PTPRD: variants seen among roughly 807,000 people sequenced by gnomAD.
The protein encoded by PTPRD is protein tyrosine phosphatase receptor type D.
Under a neutral mutation model 214.5 loss-of-function variants are expected in PTPRD, and 34 were observed. That is an observed-to-expected ratio of 0.16 (90% CI 0.12 to 0.21). The LOEUF is 0.21. Ranked by LOEUF, PTPRD falls within the 10% of genes least tolerant of loss-of-function variation. The pLI is 1.00. For missense variants in PTPRD, 2,545 were observed against 2,398.7 expected, an observed-to-expected ratio of 1.06 and a Z score of -1.27; for synonymous variants, 1,128 against 845.7, an observed-to-expected ratio of 1.33 and a Z score of -5.79.
At chr9:9,425,256 A>C (rs888862962) in intron 8 of PTPRD, among the ~76,000 whole-genome samples, 4 of 152,012 alleles carry the variant, frequency 2.6e-5, no homozygotes, top group Non-Finnish European at 5.9e-5. Flanking sequence ...GACATACCAA[A>C]TATGCTGAGC....
intron 5 of PTPRD, among the ~76,000 whole-genome samples, chr9:9,767,983 C>T (rs868447596): frequency 4.6e-5 from 7 of 152,040 alleles, no homozygotes; most frequent in African/African-American, 9.7e-5. Context: ...AAGCTATCAT[C>T]GAAACAGCAC....
rs527631032 is a variant in PTPRD, at chr9:9,770,223, C to G, written c.-367-3372G>C. Among the ~76,000 whole-genome samples, 8 of 152,310 alleles carry G rather than the reference C, an allele frequency of 5.3e-5. No homozygotes were observed. The South Asian group carries it at 1.7e-3, about 32-fold the overall frequency. ...TGGTTGAACTAATTTACACTCACAC[C>G]AAAAGTGTAAAAGCGTTCCTATTTC... On this transcript the variant is annotated intron_variant, in intron 5 of 45. Transcript: ENST00000381196.
chr9:9,135,974 T>A (rs1289064029), intron 10 of PTPRD, among the ~76,000 whole-genome samples: 13 of 150,722 alleles, frequency 8.6e-5, no homozygotes, highest in African/African-American at 2.5e-5. Flanking sequence ...TGTGAAATCA[T>A]CTTATAAATT....
intron 5 of PTPRD, among the ~76,000 whole-genome samples, chr9:9,926,524 G>C (rs1316380639): frequency 1.3e-5 from 2 of 151,972 alleles, no homozygotes; most frequent in Non-Finnish European, 2.9e-5. Flanking sequence ...CAGAGAAAAA[G>C]AGCAGAAAAG....
intron 7 of PTPRD, among the ~76,000 whole-genome samples, chr9:9,686,095 T>C (rs557054467): frequency 6.6e-6 from 1 of 151,504 alleles, no homozygotes; most frequent in South Asian, 2.1e-4. Context: ...GGAAGTTTAT[T>C]TGGAGAACTA....
intron 3 of PTPRD, among the ~76,000 whole-genome samples, chr9:10,248,971 A>G (rs972759543): frequency 3.9e-5 from 6 of 152,026 alleles, no homozygotes; most frequent in Non-Finnish European, 5.9e-5. Flanking sequence ...GGTCAGTAAT[A>G]CGTAGTAGCC....
At chr9:8,713,677 T>G (rs2098395450) in intron 12 of PTPRD, 1 of 1,511,934 alleles carries the variant, frequency 6.6e-7, no homozygotes, top group Admixed American at 1.7e-5. Flanking sequence ...CCGGGCCCAC[T>G]CCATTCAGAT....
intron 2 of PTPRD, among the ~76,000 whole-genome samples, chr9:10,425,505 T>C (rs2098605241): frequency 6.6e-6 from 1 of 152,000 alleles, no homozygotes; most frequent in Non-Finnish European, 1.5e-5. Flanking sequence ...AGCACTGAGG[T>C]ATGTCCTTAT....
At chr9:10,505,871 ATATTT>A (rs925017272) in intron 2 of PTPRD, among the ~76,000 whole-genome samples, 29 of 88,660 alleles carry the variant, frequency 3.3e-4, no homozygotes, top group Non-Finnish European at 5.6e-4. Flanking sequence ...ATTTTAAGCA[ATATTT>A]TAATTAGATA....
At chr9:10,423,274 G>T (rs1291510349) in intron 2 of PTPRD, among the ~76,000 whole-genome samples, 1 of 151,896 alleles carries the variant, frequency 6.6e-6, no homozygotes, top group Non-Finnish European at 1.5e-5. Flanking sequence ...TTGGACACAG[G>T]GTGGGGAACA....
chr9:8,405,576 C>T (rs1363560922), intron 35 of PTPRD, among the ~76,000 whole-genome samples: 4 of 152,030 alleles, frequency 2.6e-5, no homozygotes, highest in Admixed American at 6.6e-5. Context: ...TTTCCTGAAA[C>T]GTTATGGAAA....
Position 10,473,518 on chromosome 9 carries a change from G to A in PTPRD, c.-599-132501C>T, listed in dbSNP as rs143465695. ...CAAGACTGAGCTTGCACATGCGTGAGTGTGAGTGTGTATGTGTACACATAT... is the reference window on the plus strand; with the variant it reads ...CAAGACTGAGCTTGCACATGCGTGAATGTGAGTGTGTATGTGTACACATAT... On this transcript the variant is annotated intron_variant, in intron 2 of 45. Transcript: ENST00000381196. Among the ~76,000 whole-genome samples, 423 of 152,232 alleles carry A rather than the reference G, an allele frequency of 2.8e-3. 2 individuals are homozygous for A. The highest frequency in any genetic ancestry group is 9.6e-3 in the African/African-American group (399 of 41,562).
intron 12 of PTPRD, among the ~76,000 whole-genome samples, chr9:8,721,445 A>AG (rs1020546031): frequency 2.7e-5 from 4 of 150,704 alleles, no homozygotes; most frequent in African/African-American, 9.7e-5. Flanking sequence ...AAAAAAAAAA[A>AG]GAAAGATAAA....
chr9:10,445,688 C>T (rs1195088028), intron 2 of PTPRD, among the ~76,000 whole-genome samples: 4 of 151,896 alleles, frequency 2.6e-5, no homozygotes, highest in Admixed American at 6.6e-5. Flanking sequence ...AGTGGCTGAG[C>T]AGATGGAACA....
chr9:10,281,410 A>C (rs2095104203), intron 3 of PTPRD, among the ~76,000 whole-genome samples: 1 of 152,230 alleles, frequency 6.6e-6, no homozygotes, highest in Non-Finnish European at 1.5e-5. Context: ...AAAGGCAGCC[A>C]GCATTCTATT....
chr9:9,628,502 C>T lies in PTPRD; in HGVS notation c.-286-53721G>A, dbSNP rs560813246. Among the ~76,000 whole-genome samples, 59 of 152,282 alleles carry T rather than the reference C, an allele frequency of 3.9e-4. No homozygotes were observed. The South Asian group carries it at 0.012, about 31-fold the overall frequency. On this transcript the variant is annotated intron_variant, in intron 7 of 45. Transcript: ENST00000381196. ...TTAGCTTGCCATTGGTATCCAGGATCTGCACACAGCTGCTACACAGAGTTC... is the reference window on the plus strand; with the variant it reads ...TTAGCTTGCCATTGGTATCCAGGATTTGCACACAGCTGCTACACAGAGTTC...
At chr9:9,937,194 G>A (rs1181523642) in intron 5 of PTPRD, among the ~76,000 whole-genome samples, 1 of 151,356 alleles carries the variant, frequency 6.6e-6, no homozygotes, top group Non-Finnish European at 1.5e-5. Flanking sequence ...CCTGCACAAT[G>A]TGCACATGTA....
intron 7 of PTPRD, among the ~76,000 whole-genome samples, chr9:9,642,021 T>C (rs1170983637): frequency 6.7e-6 from 1 of 149,932 alleles, no homozygotes; most frequent in Non-Finnish European, 1.5e-5. Flanking sequence ...AACCCAAATG[T>C]CCAACAATGA....
intron 12 of PTPRD, among the ~76,000 whole-genome samples, chr9:8,653,600 C>T (rs1036530326): frequency 4.6e-5 from 7 of 152,078 alleles, no homozygotes; most frequent in Non-Finnish European, 7.4e-5. Context: ...AGGGCTAGTA[C>T]CGTTGCAAAT....
Sources: allele counts gnomAD v4.1 joint callset (sites outside exome capture counted in the v4.1 genomes callset), GRCh38; gene constraint gnomAD v4.1.1; transcripts MANE v1.5; gene names NCBI Gene and HGNC (gene_info 2026-07-23, HGNC 2026-07-21).